The following HSPBAP1 variants were observed in gnomAD, a reference collection of about 807,000 sequenced individuals.
HSPBAP1 encodes the protein HSPB1-associated protein 1.
In HSPBAP1, 27 loss-of-function variants were observed where a neutral mutation model predicts 45.2. The ratio of observed to expected loss-of-function variants is 0.60; its 90% confidence interval spans 0.44 to 0.82. The LOEUF (loss-of-function observed/expected upper bound fraction) is 0.82. Ranked by LOEUF, HSPBAP1 falls within the 40% of genes least tolerant of loss-of-function variation. HSPBAP1 has a pLI of 0.00. For synonymous variants in HSPBAP1, 204 were observed against 202.7 expected (o/e 1.01, Z -0.06); for missense variants, 510 against 590.9 (o/e 0.86, Z 1.42).
At chr3:122,754,709 G>A in intron 5 of HSPBAP1, 2 of 985,320 alleles carry the variant, frequency 2.0e-6, no homozygotes, top group Non-Finnish European at 2.4e-6. Context: ...ATGTTGAAAA[G>A]GAAATTTTCC....
At chr3:122,780,744 C>A in intron 1 of HSPBAP1, among the ~76,000 whole-genome samples, 1 of 151,506 alleles carries the variant, frequency 6.6e-6, no homozygotes, top group African/African-American at 2.4e-5. Flanking sequence ...CGGAGGGGCT[C>A]CTCACTTCTC....
At position 122,741,347 on chromosome 3, in the gene HSPBAP1, T is replaced by A. The variant is rs4678209; in HGVS notation, c.826-234A>T. 0.9 allele frequency: 445,550 copies of A among 497,650 alleles called. 199,740 individuals are homozygous for A. The highest frequency in any genetic ancestry group is 0.98 in the East Asian group (30,072 of 30,550). 30.8% of individuals were successfully genotyped at this position (497,650 alleles called of 1,614,324 possible). On this transcript the variant is annotated intron_variant, in intron 6 of 7. Coordinates refer to ENST00000306103, the MANE Select transcript of HSPBAP1 (RefSeq NM_024610.6). ...TTTAAGTATGTATTCTATCTATAAGTCATGGCCTTAAGTATGAATCACCTT... is the reference window on the plus strand; with the variant it reads ...TTTAAGTATGTATTCTATCTATAAGACATGGCCTTAAGTATGAATCACCTT...
At chr3:122,789,262 C>A (rs909292676) in intron 1 of HSPBAP1, among the ~76,000 whole-genome samples, 5 of 152,202 alleles carry the variant, frequency 3.3e-5, no homozygotes, top group Non-Finnish European at 5.9e-5. Flanking sequence ...TCAGAAAGCA[C>A]TGGAAGAAGA....
intron 1 of HSPBAP1, among the ~76,000 whole-genome samples, chr3:122,793,262 A>C (rs944803695): frequency 2.4e-4 from 36 of 152,182 alleles, no homozygotes; most frequent in Non-Finnish European, 5.1e-4. Context: ...GTCTCAGATA[A>C]CTTCCATTAA....
chr3:122,791,256 C>G (rs1260422351), intron 1 of HSPBAP1, among the ~76,000 whole-genome samples: 3 of 152,222 alleles, frequency 2.0e-5, no homozygotes, highest in African/African-American at 7.2e-5. Flanking sequence ...TCACCTAAAG[C>G]TCTTTAAGGC....
At chr3:122,792,872 A>G (rs1263120258) in intron 1 of HSPBAP1, among the ~76,000 whole-genome samples, 7 of 42,086 alleles carry the variant, frequency 1.7e-4, no homozygotes, top group African/African-American at 3.8e-4. Context: ...TCCGTCTCAA[A>G]AAAAGAAAAA....
At chr3:122,776,472 G>A (rs548570732) in intron 2 of HSPBAP1, among the ~76,000 whole-genome samples, 9 of 152,242 alleles carry the variant, frequency 5.9e-5, no homozygotes, top group Non-Finnish European at 8.8e-5. Flanking sequence ...AGCTAATACC[G>A]TATGTGCAAA....
At chr3:122,764,762 A>G (rs1318726440) in intron 3 of HSPBAP1, among the ~76,000 whole-genome samples, 1 of 152,240 alleles carries the variant, frequency 6.6e-6, no homozygotes, top group African/African-American at 2.4e-5. Context: ...CAGACTCATT[A>G]GGTAAGAATG....
At chr3:122,749,957 AAT>A (rs991326115) in intron 6 of HSPBAP1, among the ~76,000 whole-genome samples, 5 of 151,284 alleles carry the variant, frequency 3.3e-5, no homozygotes, top group Non-Finnish European at 5.9e-5. Context: ...CAAACAAGTA[AAT>A]ATGTTACTGG....
intron 3 of HSPBAP1, among the ~76,000 whole-genome samples, chr3:122,762,568 G>A (rs1186086588): frequency 6.6e-6 from 1 of 152,038 alleles, no homozygotes; most frequent in Non-Finnish European, 1.5e-5. Context: ...CTTCAGCCTT[G>A]ACTTATAGTC....
chr3:122,752,027 G>T (rs994383283), intron 6 of HSPBAP1, among the ~76,000 whole-genome samples: 3 of 152,186 alleles, frequency 2.0e-5, no homozygotes, highest in Non-Finnish European at 4.4e-5. Context: ...TGAAGAGACA[G>T]ACTTGAGCAT....
chr3:122,740,631 G>A lies in HSPBAP1; in HGVS notation c.1181C>T (p.Pro394Leu). 6.2e-7 allele frequency: 1 copy of A among 1,614,116 alleles called. No individual in the cohort carries two copies. Among genetic ancestry groups the A allele is most frequent in the Non-Finnish European group, 8.5e-7 (1 of 1,180,022 alleles). The change falls in exon 8 of 8, where the codon CCT (proline) becomes CTT (leucine). Residue 394 changes from proline (P) to leucine (L), a missense_variant. Transcript: ENST00000306103. ...AASPFGPDLV[P>L]VAQRSEEPPS... The stretch of plus-strand genomic sequence containing the variant: ...CGGTTCTTCGGACCTCTGTGCTACA[G>A]GGACCAGATCAGGGCCAAAGGGACT...
rs867394931 is a variant in HSPBAP1, at chr3:122,740,833, C to T, written c.979G>A (p.Ala327Thr). The part of the protein sequence containing the change: ...SHAVNCCYLN[A>T]AVSAFFDRCR... ...CGATCAAAAAATGCAGAAACAGCTG[C>T]ATTTAAGTAGCAACAGTTGACTGCA... Residue 327 changes from alanine (A) to threonine (T), a missense_variant, in exon 8 of 8, where the codon GCA (alanine) becomes ACA (threonine). Physicochemically the swap from Ala to Thr is moderately conservative, Grantham distance 58. Coordinates refer to ENST00000306103, the MANE Select transcript of HSPBAP1 (RefSeq NM_024610.6). 2 of 1,614,132 alleles carry T rather than the reference C, an allele frequency of 1.2e-6. No homozygotes were observed. The highest frequency in any genetic ancestry group is 2.7e-5 in the African/African-American group (2 of 75,060).
At chr3:122,793,349 T>C (rs1935895381) in intron 1 of HSPBAP1, among the ~76,000 whole-genome samples, 1 of 152,198 alleles carries the variant, frequency 6.6e-6, no homozygotes, top group Non-Finnish European at 1.5e-5. Flanking sequence ...ATTTAGCTAA[T>C]GATGGGCAAA....
intron 1 of HSPBAP1, among the ~76,000 whole-genome samples, chr3:122,790,925 T>C (rs1560176123): frequency 1.3e-5 from 2 of 152,244 alleles, no homozygotes; most frequent in Non-Finnish European, 2.9e-5. Flanking sequence ...CTTTATTTAA[T>C]GTATTTATTT....
At chr3:122,751,637 G>A (rs568525935) in intron 6 of HSPBAP1, among the ~76,000 whole-genome samples, 83 of 152,328 alleles carry the variant, frequency 5.4e-4, no homozygotes, top group Non-Finnish European at 1.2e-4. Context: ...ACCTGTCAGG[G>A]CTATTGTAGA....
At chr3:122,749,851 C>T (rs972569629) in intron 6 of HSPBAP1, among the ~76,000 whole-genome samples, 7 of 152,086 alleles carry the variant, frequency 4.6e-5, no homozygotes, top group Non-Finnish European at 1.0e-4. Context: ...ACCATGTGAT[C>T]TGCCCGCCTC....
In HSPBAP1 at chr3:122,768,698, T is replaced by G. The variant is rs747321596; in HGVS notation, c.432+3A>C. Reference sequence around the variant, plus strand: ...CAAGATTAGAAGGAAGGTTCTGACTTACCTGGAAAAGATCTGTCTTGTCTT... The same window carrying G: ...CAAGATTAGAAGGAAGGTTCTGACTGACCTGGAAAAGATCTGTCTTGTCTT... On this transcript the variant is annotated splice_donor_region_variant and intron_variant, in intron 3 of 7. Coordinates refer to ENST00000306103, the MANE Select transcript of HSPBAP1 (RefSeq NM_024610.6). 1.2e-6 allele frequency: 2 copies of G among 1,602,010 alleles called. No homozygotes were observed. Among genetic ancestry groups the G allele is most frequent in the African/African-American group, 2.7e-5 (2 of 74,748 alleles).
rs747225451 is a variant in HSPBAP1, at chr3:122,777,799, A to G, written c.172T>C (p.Trp58Arg). 14 of 1,613,934 alleles carry G rather than the reference A, an allele frequency of 8.7e-6. No homozygotes were observed. Among genetic ancestry groups the G allele is most frequent in the South Asian group, 1.1e-5 (1 of 91,078 alleles). ...NMVFDWPARHWNAKYLSQVLH... is the reference protein window; with the variant it reads ...NMVFDWPARHRNAKYLSQVLH... The stretch of plus-strand genomic sequence containing the variant: ...ACCTGCGAAAGGTATTTAGCATTCC[A>G]GTGTCGTGCTGGCCAATCAAACACC... The change falls in exon 2 of 8, where the codon TGG becomes CGG. Residue 58 changes from tryptophan (W) to arginine (R), a missense_variant. Coordinates refer to ENST00000306103, the MANE Select transcript of HSPBAP1 (RefSeq NM_024610.6).
Sources: allele counts gnomAD v4.1 joint callset (sites outside exome capture counted in the v4.1 genomes callset), GRCh38; gene constraint gnomAD v4.1.1; transcripts MANE v1.5; gene names NCBI Gene and HGNC (gene_info 2026-07-23, HGNC 2026-07-21).